The following GLRA3 variants were observed in gnomAD, a reference collection of about 807,000 sequenced individuals.
GLRA3 encodes the protein glycine receptor subunit alpha-3.
A neutral mutation model predicts 60.4 loss-of-function variants in GLRA3; 44 were observed. The observed-to-expected ratio is 0.73, with a 90% CI of 0.57 to 0.94. The LOEUF is 0.94. Among genes scored for constraint, GLRA3 ranks in the 40% least tolerant of loss-of-function variants. GLRA3 has a pLI of 0.00. For missense variants in GLRA3, 508 were observed against 564.6 expected (o/e 0.90, Z 1.02); for synonymous variants, 223 against 192.9 (o/e 1.16, Z -1.29).
At chr4:174,766,787 T>C (rs1738157935) in intron 3 of GLRA3, among the ~76,000 whole-genome samples, 176 bp downstream of exon 3, 1 of 152,072 alleles carries the variant, frequency 6.6e-6, no homozygotes, top group Non-Finnish European at 1.5e-5. Context: ...TACTCTAATA[T>C]ACCATCTCTA....
At position 174,679,547 on chromosome 4, in the gene GLRA3, C is replaced by G. The variant is rs569191507; in HGVS notation, c.713-2255G>C. 2.6e-5 allele frequency among the ~76,000 whole-genome samples: 4 copies of G among 152,046 alleles called. No individual in the cohort carries two copies. The South Asian group carries it at 6.2e-4, about 24-fold the overall frequency. On this transcript the variant is annotated intron_variant, in intron 6 of 9. Coordinates refer to ENST00000274093, the MANE Select transcript of GLRA3 (RefSeq NM_006529.4). Reference sequence around the variant, plus strand: ...ACCATATGGACTACGGGGTATATATCCAAAAGAAAGAAAATCAGTGTATTG... The same window carrying G: ...ACCATATGGACTACGGGGTATATATGCAAAAGAAAGAAAATCAGTGTATTG...
At chr4:174,781,108 A>G (rs1245594238) in intron 2 of GLRA3, among the ~76,000 whole-genome samples, 1 of 152,150 alleles carries the variant, frequency 6.6e-6, no homozygotes, top group East Asian at 1.9e-4. Context: ...GATTATAACA[A>G]ACTATCTCTC....
At chr4:174,664,156 T>G (rs115366635) in intron 7 of GLRA3, among the ~76,000 whole-genome samples, 4,643 of 152,276 alleles carry the variant, frequency 0.03, 98 homozygotes, top group Non-Finnish European at 0.045. Flanking sequence ...GGATTCTCTT[T>G]CTTTTCCTGA....
intron 3 of GLRA3, among the ~76,000 whole-genome samples, chr4:174,750,422 T>C (rs1579549403): frequency 6.6e-6 from 1 of 152,100 alleles, no homozygotes; most frequent in Admixed American, 6.6e-5. Flanking sequence ...TCCAAAGACA[T>C]AGAAAATAAG....
intron 3 of GLRA3, among the ~76,000 whole-genome samples, chr4:174,734,725 G>T (rs1736701584): frequency 1.3e-5 from 2 of 152,234 alleles, no homozygotes; most frequent in Non-Finnish European, 2.9e-5. Flanking sequence ...ATCTCATTTA[G>T]TAACCTCTGC....
intron 9 of GLRA3, among the ~76,000 whole-genome samples, chr4:174,652,239 T>G (rs1431945037): frequency 5.3e-5 from 8 of 152,144 alleles, no homozygotes; most frequent in Non-Finnish European, 7.4e-5. Context: ...TTTTTTGAGA[T>G]AATTTAATTT....
chr4:174,682,566 T>TA (rs1347966237), intron 6 of GLRA3, among the ~76,000 whole-genome samples: 4 of 152,192 alleles, frequency 2.6e-5, no homozygotes, highest in Admixed American at 2.0e-4. Context: ...AGCTTTTCAT[T>TA]AAAAATTATT....
chr4:174,767,923 T>C (rs1216350244), intron 2 of GLRA3, among the ~76,000 whole-genome samples: 1 of 148,958 alleles, frequency 6.7e-6, no homozygotes, highest in Non-Finnish European at 1.5e-5. Flanking sequence ...CTTTATAATT[T>C]TTGTTCAGGC....
chr4:174,746,077 A>C (rs953262671), intron 3 of GLRA3, among the ~76,000 whole-genome samples: 6 of 152,188 alleles, frequency 3.9e-5, no homozygotes, highest in Non-Finnish European at 7.4e-5. Flanking sequence ...TATGGGAAAC[A>C]GAATGGAGAT....
At chr4:174,710,109 GT>G (rs1735661557) in intron 5 of GLRA3, among the ~76,000 whole-genome samples, 1 of 151,498 alleles carries the variant, frequency 6.6e-6, no homozygotes, top group African/African-American at 2.4e-5. Context: ...ACTTCTTCCA[GT>G]TTTTCTAAAA....
At chr4:174,692,936 TA>T (rs1205090433) in intron 5 of GLRA3, among the ~76,000 whole-genome samples, 11 of 131,744 alleles carry the variant, frequency 8.3e-5, no homozygotes, top group African/African-American at 1.1e-4. Flanking sequence ...AAATGATCAA[TA>T]AAAAAAAAAT....
At chr4:174,693,297 C>A (rs893116702) in intron 5 of GLRA3, among the ~76,000 whole-genome samples, 2 of 152,128 alleles carry the variant, frequency 1.3e-5, no homozygotes, top group African/African-American at 2.4e-5. Context: ...TTGGGATTTA[C>A]CTTTAAATAT....
intron 1 of GLRA3, among the ~76,000 whole-genome samples, chr4:174,821,138 T>C (rs889927695): frequency 1.3e-5 from 2 of 152,134 alleles, no homozygotes; most frequent in African/African-American, 4.8e-5. Flanking sequence ...GACATAGAAA[T>C]GAAAATATTT....
chr4:174,826,593 T>TA (rs145777598), intron 1 of GLRA3, among the ~76,000 whole-genome samples: 13,102 of 152,186 alleles, frequency 0.086, 776 homozygotes, highest in East Asian at 0.28. Context: ...ATAAAAATTT[T>TA]AAAAAAATCT....
At chr4:174,799,212 C>T (rs183967477) in intron 1 of GLRA3, among the ~76,000 whole-genome samples, 8 of 152,260 alleles carry the variant, frequency 5.3e-5, no homozygotes, top group Admixed American at 3.3e-4. Flanking sequence ...CTATGGATTA[C>T]AGATGAAGAA....
chr4:174,795,411 G>A (rs977181411), intron 1 of GLRA3, among the ~76,000 whole-genome samples: 2 of 151,884 alleles, frequency 1.3e-5, no homozygotes, highest in African/African-American at 4.8e-5. Context: ...CAAAATTATG[G>A]TTCTTTTGAC....
intron 5 of GLRA3, among the ~76,000 whole-genome samples, chr4:174,706,753 T>C (rs1289289375): frequency 6.9e-6 from 1 of 144,740 alleles, no homozygotes; most frequent in African/African-American, 2.5e-5. Context: ...TGATGCTATA[T>C]GGAATCTCAA....
At chr4:174,724,277 A>G (rs1303234102) in intron 4 of GLRA3, among the ~76,000 whole-genome samples, 1 of 151,892 alleles carries the variant, frequency 6.6e-6, no homozygotes, top group Non-Finnish European at 1.5e-5. Context: ...TCTTTGTAAA[A>G]GATATCTTAT....
chr4:174,798,967 G>A (rs1224514450), intron 1 of GLRA3, among the ~76,000 whole-genome samples: 1 of 152,038 alleles, frequency 6.6e-6, no homozygotes, highest in Non-Finnish European at 1.5e-5. Context: ...TCTGGAGACA[G>A]AGAAATAGCT....
Sources: gnomAD v4.1 joint callset for allele counts (sites outside exome capture counted in the v4.1 genomes callset) on GRCh38, gnomAD v4.1.1 for gene constraint, MANE v1.5 for transcripts, NCBI Gene and HGNC (gene_info 2026-07-23, HGNC 2026-07-21) for gene names.